The following AKT3 variants were observed in gnomAD, a reference collection of about 807,000 sequenced individuals.
The protein encoded by AKT3 is RAC-gamma serine/threonine-protein kinase.
AKT3 carries 15 observed loss-of-function variants against 65.3 expected under a neutral mutation model. The observed-to-expected ratio is 0.23, with a 90% CI of 0.15 to 0.35. The LOEUF (loss-of-function observed/expected upper bound fraction) is 0.35, where lower values mean the gene tolerates loss of function less well. Among genes scored for constraint, AKT3 ranks in the 10% least tolerant of loss-of-function variants. AKT3 has a pLI of 1.00. For missense variants in AKT3, 243 were observed against 576.5 expected (o/e 0.42, Z 5.92); for synonymous variants, 206 against 183.8 (o/e 1.12, Z -0.98).
chr1:243,695,502 C>T, intron 3 of AKT3, 89 bp downstream of exon 3: 2 of 1,249,012 alleles, frequency 1.6e-6, no homozygotes, highest in Non-Finnish European at 2.1e-6. Flanking sequence ...AACTTTTTCA[C>T]AGGTTTCTCA....
intron 12 of AKT3, among the ~76,000 whole-genome samples, chr1:243,540,278 T>G (rs1325577963): frequency 1.3e-5 from 2 of 152,038 alleles, no homozygotes; most frequent in Non-Finnish European, 2.9e-5. Flanking sequence ...AATGCAAGGT[T>G]CACTCAACTT....
chr1:243,551,106 T>C (rs1277808808), intron 11 of AKT3, among the ~76,000 whole-genome samples: 2 of 152,046 alleles, frequency 1.3e-5, no homozygotes, highest in African/African-American at 4.8e-5. Flanking sequence ...ACTGCTGCAT[T>C]GTAAATAAGA....
At chr1:243,837,241 C>T (rs578186476) in intron 2 of AKT3, among the ~76,000 whole-genome samples, 41 of 152,116 alleles carry the variant, frequency 2.7e-4, no homozygotes, top group Non-Finnish European at 5.1e-4. Context: ...AAAAGGAAAT[C>T]CTTAAAAAAT....
At chr1:243,844,690 G>A (rs947283959) in intron 1 of AKT3, among the ~76,000 whole-genome samples, 2 of 152,062 alleles carry the variant, frequency 1.3e-5, no homozygotes, top group Admixed American at 6.6e-5. Context: ...TATTGTCCAC[G>A]CTGCACAAAT....
At chr1:243,589,357 C>CA (rs1553410472) in intron 8 of AKT3, among the ~76,000 whole-genome samples, 1 of 138,800 alleles carries the variant, frequency 7.2e-6, no homozygotes, top group Non-Finnish European at 1.6e-5. Flanking sequence ...AAAATCTGAT[C>CA]AAAAAATAGG....
chr1:243,736,072 C>T (rs1687827381), intron 2 of AKT3, among the ~76,000 whole-genome samples: 1 of 152,036 alleles, frequency 6.6e-6, no homozygotes, highest in African/African-American at 2.4e-5. Context: ...AAGTGCTAGA[C>T]AGAAAGCTTG....
At chr1:243,714,953 T>A (rs952740052) in intron 2 of AKT3, among the ~76,000 whole-genome samples, 3 of 152,136 alleles carry the variant, frequency 2.0e-5, no homozygotes, top group Non-Finnish European at 4.4e-5. Context: ...GTTCTAAAAC[T>A]GACATACTCA....
intron 3 of AKT3, among the ~76,000 whole-genome samples, chr1:243,691,919 A>G (rs1348480028): frequency 6.6e-6 from 1 of 152,160 alleles, no homozygotes; most frequent in Non-Finnish European, 1.5e-5. Context: ...TTCAACCAGA[A>G]CCCTGTTAAA....
intron 12 of AKT3, among the ~76,000 whole-genome samples, chr1:243,514,281 G>A (rs1670203975): frequency 6.6e-6 from 1 of 152,162 alleles, no homozygotes; most frequent in African/African-American, 2.4e-5. Flanking sequence ...TTGCCTTCAA[G>A]TTAGGGGAAA....
Position 243,503,209 on chromosome 1 carries a change from A to G in AKT3, c.*2040T>C, listed in dbSNP as rs1405500662. The stretch of plus-strand genomic sequence containing the variant: ...TCACTCAGGTAGAAATATGAAAAAG[A>G]AGGATAACGTTGATGTCTGAATATG... On this transcript the variant is annotated 3_prime_UTR_variant, in exon 14 of 14. Transcript: ENST00000673466. 1 of 233,604 alleles carries G rather than the reference A, an allele frequency of 4.3e-6. No individual in the cohort carries two copies. The highest frequency in any genetic ancestry group is 8.5e-6 in the Non-Finnish European group (1 of 118,056). The allele number at this position is 233,604 out of a possible 1,614,324, so 14.5% of individuals were successfully genotyped here.
chr1:243,572,831 G>T, intron 9 of AKT3, 95 bp downstream of exon 9: 1 of 1,273,448 alleles, frequency 7.9e-7, no homozygotes, highest in African/African-American at 1.5e-5. Flanking sequence ...AACTAAATCT[G>T]CTTTTCTCAA....
At chr1:243,645,581 T>C (rs180721937) in intron 5 of AKT3, among the ~76,000 whole-genome samples, 11 of 152,338 alleles carry the variant, frequency 7.2e-5, no homozygotes, top group African/African-American at 1.9e-4. Flanking sequence ...AGGGAAAACA[T>C]TTTATTACAA....
chr1:243,548,026 G>C (rs2148455112), intron 11 of AKT3: 1 of 152,292 alleles, frequency 6.6e-6, no homozygotes, highest in African/African-American at 2.4e-5. Flanking sequence ...AGTTGTGTAG[G>C]TTTCTTTCCC....
chr1:243,695,747 G>GA (rs1421574448), intron 2 of AKT3, 31 bp from the exon 3 acceptor site: 3 of 1,544,182 alleles, frequency 1.9e-6, no homozygotes, highest in Admixed American at 2.1e-5. Flanking sequence ...TGTTAATGCT[G>GA]AAAAAAATGA....
chr1:243,748,884 T>C (rs1688635082), intron 2 of AKT3, among the ~76,000 whole-genome samples: 1 of 152,142 alleles, frequency 6.6e-6, no homozygotes, highest in Admixed American at 6.5e-5. Context: ...CAGAGTGACA[T>C]CTAGTGGCAA....
At chr1:243,756,211 A>G (rs1452046983) in intron 2 of AKT3, among the ~76,000 whole-genome samples, 1 of 152,184 alleles carries the variant, frequency 6.6e-6, no homozygotes. Flanking sequence ...ATTATTTCCT[A>G]ATTTTATTTT....
chr1:243,830,889 A>G (rs1025037453), intron 2 of AKT3, among the ~76,000 whole-genome samples: 4 of 152,222 alleles, frequency 2.6e-5, no homozygotes, highest in Non-Finnish European at 5.9e-5. Context: ...TTTGTCAGGA[A>G]TAACCATTCA....
chr1:243,598,714 C>T (rs547086788), intron 8 of AKT3, among the ~76,000 whole-genome samples: 1 of 152,332 alleles, frequency 6.6e-6, no homozygotes, highest in East Asian at 1.9e-4. Context: ...AAATGTCAAC[C>T]TAACACTACT....
chr1:243,796,651 C>A (rs541905710), intron 2 of AKT3, among the ~76,000 whole-genome samples: 2 of 152,138 alleles, frequency 1.3e-5, no homozygotes, highest in Non-Finnish European at 2.9e-5. Context: ...CAGTTTATTG[C>A]TATCTCAGGG....
Sources: gnomAD v4.1 joint callset for allele counts (sites outside exome capture counted in the v4.1 genomes callset) on GRCh38, gnomAD v4.1.1 for gene constraint, MANE v1.5 for transcripts, NCBI Gene and HGNC (gene_info 2026-07-23, HGNC 2026-07-21) for gene names.